ABLIM3: variants seen among roughly 807,000 people sequenced by gnomAD.
ABLIM3 encodes the protein actin binding LIM protein family member 3, also known as actin-binding LIM protein 3.
In ABLIM3, 61 loss-of-function variants were observed where a neutral mutation model predicts 109.5. The observed-to-expected ratio is 0.56, with a 90% CI of 0.45 to 0.69. The LOEUF (loss-of-function observed/expected upper bound fraction) is 0.69. ABLIM3 is among the 30% of genes least tolerant of loss of function. The probability of loss-of-function intolerance (pLI) is 0.00; values close to 1 mark genes in which losing one functional copy is unlikely to be tolerated. For synonymous variants in ABLIM3, 300 were observed against 324.8 expected, an observed-to-expected ratio of 0.92 and a Z score of 0.82; for missense variants, 796 against 889.5, an observed-to-expected ratio of 0.89 and a Z score of 1.34.
chr5:149,220,042 T>A (rs952842285), intron 8 of ABLIM3: 2 of 152,216 alleles, frequency 1.3e-5, no homozygotes, highest in African/African-American at 4.8e-5. Flanking sequence ...CTGTCTAATA[T>A]GTAAAATAGA....
At position 149,240,996 on chromosome 5, in the gene ABLIM3, C is replaced by T. The variant is rs73269830; in HGVS notation, c.1303+222C>T. Among the ~76,000 whole-genome samples the T allele has an allele frequency of 5.1e-3, 770 of 152,354 alleles. 6 individuals carry two copies. Among genetic ancestry groups the T allele is most frequent in the African/African-American group, 0.018 (733 of 41,574 alleles). Reference sequence around the variant, plus strand: ...AGCCTCCATTAGGACCTCAAAGAAGCAGTCCCGGGAAGAAAAGAGGCAGGG... The same window carrying T: ...AGCCTCCATTAGGACCTCAAAGAAGTAGTCCCGGGAAGAAAAGAGGCAGGG... On this transcript the variant is annotated intron_variant, in intron 14 of 23. Transcript: ENST00000309868.
chr5:149,259,574 G>A lies in ABLIM3; in HGVS notation c.*1170G>A. On this transcript the variant is annotated 3_prime_UTR_variant, in exon 24 of 24. Coordinates refer to ENST00000309868, the MANE Select transcript of ABLIM3 (RefSeq NM_014945.5). ...AACTTTTGGAAGAGTGGCTGCTTAT[G>A]AGATTCCAAAATGAAGTGTTGGCCA... 1 of 1,536,198 alleles carries A rather than the reference G, an allele frequency of 6.5e-7. No individual in the cohort carries two copies. Among genetic ancestry groups the A allele is most frequent in the Non-Finnish European group, 8.7e-7 (1 of 1,146,920 alleles).
intron 23 of ABLIM3, among the ~76,000 whole-genome samples, chr5:149,255,190 A>G (rs1376161664): frequency 6.6e-6 from 1 of 152,226 alleles, no homozygotes; most frequent in Non-Finnish European, 1.5e-5. Context: ...TTAACTACAC[A>G]GTGCTGCCTC....
intron 8 of ABLIM3, among the ~76,000 whole-genome samples, chr5:149,227,926 A>C (rs1398120259): frequency 2.0e-5 from 3 of 152,208 alleles, no homozygotes; most frequent in Non-Finnish European, 4.4e-5. Context: ...AACAGACATG[A>C]ATCCTCTCCT....
At chr5:149,170,100 T>G (rs1755240875) in intron 2 of ABLIM3, among the ~76,000 whole-genome samples, 1 of 152,260 alleles carries the variant, frequency 6.6e-6, no homozygotes, top group African/African-American at 2.4e-5. Context: ...TACTACCCAC[T>G]AGTTATTTTT....
chr5:149,220,080 TGTA>T (rs1760489981), intron 8 of ABLIM3: 1 of 152,044 alleles, frequency 6.6e-6, no homozygotes, highest in African/African-American at 2.4e-5. Context: ...AAGATATAGG[TGTA>T]GTAATTTCGT....
intron 3 of ABLIM3, among the ~76,000 whole-genome samples, chr5:149,186,045 T>G (rs1756926172): frequency 6.6e-6 from 1 of 152,176 alleles, no homozygotes. Flanking sequence ...AAAAATATTC[T>G]CAGCATATGA....
chr5:149,236,102 C>T (rs897898729), intron 10 of ABLIM3, among the ~76,000 whole-genome samples: 2 of 152,146 alleles, frequency 1.3e-5, no homozygotes, highest in African/African-American at 4.8e-5. Flanking sequence ...ATTGGCTAAA[C>T]CCAACTGAAA....
At chr5:149,229,900 C>T (rs531316271) in intron 8 of ABLIM3, among the ~76,000 whole-genome samples, 21 of 152,232 alleles carry the variant, frequency 1.4e-4, no homozygotes, top group South Asian at 2.1e-4. Flanking sequence ...AAAATGTGGG[C>T]GTTAGCAGTA....
chr5:149,206,775 G>A (rs1759017748), intron 5 of ABLIM3, among the ~76,000 whole-genome samples: 1 of 152,078 alleles, frequency 6.6e-6, no homozygotes. Context: ...TGGTCTTGAT[G>A]ACAAGCAGGG....
At position 149,237,596 on chromosome 5, in the gene ABLIM3, A is replaced by G. The variant is rs1752342982; in HGVS notation, c.1037A>G (p.Tyr346Cys). 6.2e-7 allele frequency: 1 copy of G among 1,614,124 alleles called. No individual in the cohort carries two copies. Among genetic ancestry groups the G allele is most frequent in the Non-Finnish European group, 8.5e-7 (1 of 1,180,020 alleles). ...MSDEMLERCG[Y>C]GESLGTLSPY... ...GACGAGATGCTGGAGAGATGTGGCT[A>G]TGGAGAGGTATCGCATCTTGCCCTT... is the stretch of plus-strand genomic sequence containing the variant. Residue 346 changes from tyrosine to cysteine, a missense_variant, in exon 11 of 24, where the codon TAT becomes TGT. Tyr to Cys is a radical substitution (Grantham distance 194). Transcript: ENST00000309868.
intron 2 of ABLIM3, among the ~76,000 whole-genome samples, chr5:149,155,464 T>G (rs548970792): frequency 6.6e-6 from 1 of 152,112 alleles, no homozygotes. Context: ...AGATAAACCA[T>G]GGCGGGTGCT....
At chr5:149,185,504 A>G (rs1371234505) in intron 3 of ABLIM3, among the ~76,000 whole-genome samples, 1 of 152,330 alleles carries the variant, frequency 6.6e-6, no homozygotes, top group African/African-American at 2.4e-5. Context: ...TGCCTTTTGT[A>G]GGGAGATCTG....
intron 14 of ABLIM3, among the ~76,000 whole-genome samples, chr5:149,241,257 T>G (rs1041855244): frequency 2.6e-5 from 4 of 152,202 alleles, no homozygotes; most frequent in Non-Finnish European, 5.9e-5. Flanking sequence ...CCAGCCCAGA[T>G]CCTGCCTTCA....
intron 2 of ABLIM3, among the ~76,000 whole-genome samples, chr5:149,145,925 G>A (rs13187193): frequency 0.43 from 65,489 of 151,804 alleles, 15,041 homozygotes; most frequent in Admixed American, 0.61. Flanking sequence ...AGCTAGGACC[G>A]CAGGTGGGTG....
intron 8 of ABLIM3, chr5:149,219,268 C>A (rs1050883574): frequency 6.6e-6 from 1 of 152,318 alleles, no homozygotes; most frequent in Middle Eastern, 3.4e-3. Flanking sequence ...GCCACATGTC[C>A]CTAGGGGGTC....
At chr5:149,155,424 G>C (rs1053257864) in intron 2 of ABLIM3, among the ~76,000 whole-genome samples, 4 of 152,192 alleles carry the variant, frequency 2.6e-5, no homozygotes, top group African/African-American at 9.7e-5. Flanking sequence ...TCTTGGAGGG[G>C]CAGACAGAAG....
At chr5:149,238,181 AAC>A (rs1752426412) in intron 11 of ABLIM3, among the ~76,000 whole-genome samples, 1 of 152,182 alleles carries the variant, frequency 6.6e-6, no homozygotes, top group African/African-American at 2.4e-5. Context: ...ATGGTTGCTA[AAC>A]AAGAGAAAGT....
intron 2 of ABLIM3, among the ~76,000 whole-genome samples, chr5:149,174,021 C>CAAAAAA (rs57000637): frequency 2.0e-4 from 8 of 40,136 alleles, no homozygotes; most frequent in South Asian, 1.1e-3. Context: ...GACTCCGTCT[C>CAAAAAA]AAAAAAAAAA....
Sources: allele counts gnomAD v4.1 joint callset (sites outside exome capture counted in the v4.1 genomes callset), GRCh38; gene constraint gnomAD v4.1.1; transcripts MANE v1.5; gene names NCBI Gene and HGNC (gene_info 2026-07-23, HGNC 2026-07-21).